The following NUP210L variants were observed in gnomAD, a reference collection of about 807,000 sequenced individuals.
NUP210L encodes nuclear pore membrane glycoprotein 210-like.
A neutral mutation model predicts 208.5 loss-of-function variants in NUP210L; 74 were observed. The observed-to-expected ratio is 0.35, with a 90% CI of 0.29 to 0.43. NUP210L has a LOEUF of 0.43. NUP210L is among the 20% of genes least tolerant of loss of function. The pLI is 1.00. For synonymous variants in NUP210L, 780 were observed against 816.9 expected (o/e 0.95, Z 0.77); for missense variants, 1,843 against 2,289.4 (o/e 0.81, Z 3.98).
intron 37 of NUP210L, among the ~76,000 whole-genome samples, chr1:153,996,448 G>A (rs1433452364): frequency 6.6e-6 from 1 of 151,966 alleles, no homozygotes; most frequent in Non-Finnish European, 1.5e-5. Context: ...TTTTTTGAGA[G>A]GGAGTCTCTG....
intron 10 of NUP210L, among the ~76,000 whole-genome samples, chr1:154,122,664 A>T (rs1017513304): frequency 2.0e-5 from 3 of 152,186 alleles, no homozygotes; most frequent in African/African-American, 7.2e-5. Flanking sequence ...CAAAGAAAAC[A>T]AAACAGAAAA....
Position 154,029,922 on chromosome 1 carries a change from CCAACAAATTCCCCT to C in NUP210L, c.3815_3828del (p.Glu1272GlyfsTer4), listed in dbSNP as rs1652115978. On this transcript the variant is annotated frameshift_variant, in exon 28 of 40. Transcript: ENST00000368559. LOFTEE classifies it high-confidence loss of function. The stretch of plus-strand genomic sequence containing the variant: ...AGGATCTGTACTTCATCAGAGAGTT[CCAACAAATTCCCCT>C]CAAACTGCCCAGAGGAACTGTTCAT... 3.7e-6 allele frequency: 6 copies of C among 1,609,648 alleles called. No individual in the cohort carries two copies. The highest frequency in any genetic ancestry group is 5.1e-6 in the Non-Finnish European group (6 of 1,178,988).
chr1:153,993,194 A>G, intron 38 of NUP210L, 105 bp from the exon 39 acceptor site: 2 of 694,472 alleles, frequency 2.9e-6, no homozygotes, highest in Non-Finnish European at 4.8e-6. Flanking sequence ...CTTAAAAATA[A>G]GTAATAGTAA....
At position 154,033,749 on chromosome 1, in the gene NUP210L, A is replaced by G. The variant is rs551805929; in HGVS notation, c.3697-3695T>C. 4.6e-5 allele frequency among the ~76,000 whole-genome samples: 7 copies of G among 152,254 alleles called. No individual in the cohort carries two copies. The South Asian group carries it at 1.5e-3, about 32-fold the overall frequency. On this transcript the variant is annotated intron_variant, in intron 27 of 39. Transcript: ENST00000368559. ...TATTCTGTGTCTTTTGTGGTTCCAT[A>G]TAACTTTTACAATTATTTTTTCTAT... is the stretch of plus-strand genomic sequence containing the variant.
At chr1:154,129,249 C>T (rs745976839) in intron 8 of NUP210L, 28 bp downstream of exon 8, 3 of 1,407,452 alleles carry the variant, frequency 2.1e-6, no homozygotes, top group Non-Finnish European at 3.0e-6. Flanking sequence ...AAGCTATCCA[C>T]CTTTCTGAAA....
intron 15 of NUP210L, among the ~76,000 whole-genome samples, chr1:154,090,643 T>C (rs1655856628): frequency 6.6e-6 from 1 of 152,036 alleles, no homozygotes; most frequent in South Asian, 2.1e-4. Flanking sequence ...AAACCCCGTC[T>C]CTACTAAAAA....
chr1:154,103,980 A>C lies in NUP210L; in HGVS notation c.1819+32T>G, dbSNP rs764720311. 2.0e-6 allele frequency: 3 copies of C among 1,511,910 alleles called. No homozygotes were observed. In the East Asian group the frequency reaches 6.8e-5, roughly 34 times the overall value. The allele number at this position is 1,511,910 out of a possible 1,614,324, so 93.7% of individuals were successfully genotyped here. On this transcript the variant is annotated intron_variant, in intron 13 of 39. Coordinates refer to ENST00000368559, the Ensembl canonical transcript of NUP210L. ...AGTTAAAGATAAATAAATAAAGACA[A>C]AGGAAGGAGAAGATAAAAAGGCTAC... is the stretch of plus-strand genomic sequence containing the variant.
chr1:154,110,868 A>G lies in NUP210L; in HGVS notation c.1621-6658T>C, dbSNP rs534100207. On this transcript the variant is annotated intron_variant, in intron 12 of 39. Coordinates refer to ENST00000368559, the Ensembl canonical transcript of NUP210L. ...ACTCCAGCCTGGGCAACAGAGCAAG[A>G]CCTTGCCTGAAAAAAAAGAAAAACA... Among the ~76,000 whole-genome samples, 13 of 151,360 alleles carry G rather than the reference A, an allele frequency of 8.6e-5. No homozygotes were observed. The East Asian group carries it at 1.9e-3, about 23-fold the overall frequency.
intron 13 of NUP210L, among the ~76,000 whole-genome samples, chr1:154,102,981 T>C (rs1472799181): frequency 1.3e-5 from 2 of 151,972 alleles, no homozygotes; most frequent in East Asian, 3.9e-4. Flanking sequence ...GAGGCTGAGA[T>C]AGCAGTATAG....
chr1:154,001,057 T>C lies in NUP210L; in HGVS notation c.5185A>G (p.Ile1729Val). 1 of 1,613,718 alleles carries C rather than the reference T, an allele frequency of 6.2e-7. No homozygotes were observed. Among genetic ancestry groups the C allele is most frequent in the Non-Finnish European group, 8.5e-7 (1 of 1,179,804 alleles). The stretch of plus-strand genomic sequence containing the variant: ...ACCACTAGAACTGGGGAGCTGGAGA[T>C]GACCTTGGAGAAAAGATAAAACCTT... Residue 1729 changes from isoleucine (I) to valine (V), a missense_variant, in exon 37 of 40, where the codon ATC becomes GTC. Around this residue, in one of 5 missense-constraint regions of NUP210L, gnomAD observed 781 missense variants for 973.8 expected, o/e 0.80. Transcript: ENST00000368559.
At position 154,094,999 on chromosome 1, in the gene NUP210L, A is replaced by G. The variant is rs373248310; in HGVS notation, c.2123T>C (p.Leu708Pro). 1.9e-6 allele frequency: 3 copies of G among 1,614,044 alleles called. No individual in the cohort carries two copies. In the African/African-American group the frequency reaches 4.0e-5, roughly 22 times the overall value. The stretch of plus-strand genomic sequence containing the variant: ...CTGGTTCTGTTTTCTCTTAGATGGC[A>G]GCCACACTTGTGCTATTCCAATCTT... Residue 708 changes from leucine (L) to proline (P), a missense_variant, in exon 15 of 40, where the codon CTG (leucine) becomes CCG (proline). Leu to Pro is a moderately conservative substitution (Grantham distance 98). This residue lies in a region of NUP210L where 408 missense variants were observed against 600.8 expected (regional missense o/e 0.68). Transcript: ENST00000368559.
chr1:154,139,704 C>CA (rs1391089087), intron 5 of NUP210L, 98 bp downstream of exon 5: 3 of 655,552 alleles, frequency 4.6e-6, no homozygotes, highest in Non-Finnish European at 7.2e-6. Flanking sequence ...AAAAAAAAAA[C>CA]AGGGCGGGTA....
At chr1:154,004,854 CT>C (rs34638973) in intron 35 of NUP210L, among the ~76,000 whole-genome samples, 11,849 of 113,800 alleles carry the variant, frequency 0.1, 455 homozygotes, top group East Asian at 0.4. Flanking sequence ...TTCTTTCTTT[CT>C]TTTTTTTTTT....
intron 10 of NUP210L, among the ~76,000 whole-genome samples, chr1:154,124,174 G>C (rs1459597331): frequency 7.4e-6 from 1 of 134,532 alleles, no homozygotes; most frequent in Admixed American, 8.0e-5. Context: ...GCAACAGAGT[G>C]AGACTCCATC....
intron 2 of NUP210L, among the ~76,000 whole-genome samples, chr1:154,144,092 G>A (rs1658994396): frequency 6.6e-6 from 1 of 152,102 alleles, no homozygotes; most frequent in African/African-American, 2.4e-5. Flanking sequence ...TGAGGCAGGA[G>A]AAGGTGTGAA....
intron 35 of NUP210L, 47 bp from the exon 36 acceptor site, chr1:154,002,032 A>G (rs757920473): frequency 2.5e-6 from 4 of 1,585,468 alleles, no homozygotes; most frequent in South Asian, 1.1e-5. Flanking sequence ...CAGAGGCTCT[A>G]TTGAGCCAAC....
At chr1:154,151,394 T>C (rs954806136) in intron 2 of NUP210L, among the ~76,000 whole-genome samples, 18 of 152,018 alleles carry the variant, frequency 1.2e-4, no homozygotes, top group African/African-American at 3.9e-4. Flanking sequence ...AGTCAAGATA[T>C]AGTTGTCACT....
chr1:154,117,841 TAGA>T (rs1557988637), exon 12 of NUP210L: 3 of 1,612,686 alleles, frequency 1.9e-6, no homozygotes, highest in Non-Finnish European at 2.5e-6. Flanking sequence ...ACTGTTTCAT[TAGA>T]AGAAGTCCAG....
chr1:154,119,670 G>A (rs1019332338), intron 10 of NUP210L, among the ~76,000 whole-genome samples: 2 of 152,130 alleles, frequency 1.3e-5, no homozygotes, highest in Non-Finnish European at 2.9e-5. Context: ...ACTTGAGTAT[G>A]CGTGGATTTT....
Sources: gnomAD v4.1 joint callset for allele counts (sites outside exome capture counted in the v4.1 genomes callset) on GRCh38, gnomAD v4.1.1 for gene constraint, gnomAD v4.1.1 regional missense constraint, MANE v1.5 for transcripts, NCBI Gene and HGNC (gene_info 2026-07-23, HGNC 2026-07-21) for gene names.